The following EFCAB5 variants were observed in gnomAD, a reference collection of about 807,000 sequenced individuals.
EFCAB5 encodes the protein EF-hand calcium binding domain 5, also known as EF-hand calcium-binding domain-containing protein 5.
A neutral mutation model predicts 167.9 loss-of-function variants in EFCAB5; 131 were observed. The observed-to-expected ratio is 0.78, with a 90% confidence interval of 0.68 to 0.90. The LOEUF (loss-of-function observed/expected upper bound fraction) is 0.90. Among genes scored for constraint, EFCAB5 ranks in the 40% least tolerant of loss-of-function variants. The pLI is 0.00. For synonymous variants in EFCAB5, 574 were observed against 602.8 expected (o/e 0.95, Z 0.70); for missense variants, 1,663 against 1,745.2 (o/e 0.95, Z 0.84).
At chr17:29,991,391 A>T (rs2068415306) in intron 4 of EFCAB5, among the ~76,000 whole-genome samples, 1 of 152,236 alleles carries the variant, frequency 6.6e-6, no homozygotes. Flanking sequence ...CCTCGAACAG[A>T]GTTTTACCCA....
chr17:29,962,631 GCTTTTTTTTTTTTTTTTTT>G (rs2067743517), intron 3 of EFCAB5, among the ~76,000 whole-genome samples: 2 of 105,120 alleles, frequency 1.9e-5, no homozygotes, highest in African/African-American at 7.1e-5. Flanking sequence ...ACCATGCCTG[GCTTTTTTTTTTTTTTTTTT>G]TAGACAGGGT....
chr17:30,098,542 A>G (rs2071336642), intron 22 of EFCAB5, among the ~76,000 whole-genome samples: 1 of 151,364 alleles, frequency 6.6e-6, no homozygotes. Flanking sequence ...CAGAGAAAAA[A>G]AAAAAAAAAC....
At chr17:30,051,286 T>G in intron 9 of EFCAB5, 69 bp downstream of exon 9, 1 of 1,274,294 alleles carries the variant, frequency 7.8e-7, no homozygotes, top group Non-Finnish European at 1.1e-6. Flanking sequence ...ACTGATATGA[T>G]ACACTGATAT....
intron 22 of EFCAB5, among the ~76,000 whole-genome samples, chr17:30,106,233 T>TG (rs1349272423): frequency 3.3e-5 from 5 of 151,826 alleles, no homozygotes; most frequent in Non-Finnish European, 5.9e-5. Context: ...AAGACTAGCC[T>TG]GGGCAACATA....
chr17:29,933,439 C>T (rs1010554766), intron 1 of EFCAB5, among the ~76,000 whole-genome samples: 11 of 152,184 alleles, frequency 7.2e-5, no homozygotes, highest in African/African-American at 2.4e-4. Context: ...CCTAGGTCTT[C>T]TGGTGAACTG....
rs115895811 is a variant in EFCAB5, at chr17:29,987,368, C to T, written c.768-5797C>T. On this transcript the variant is annotated intron_variant, in intron 4 of 22. Transcript: ENST00000394835. ...TTAGTAAGGCTTTAGATGTCTCGAT[C>T]GCACCCAAATTGGCTGTTGATTCAA... Among the ~76,000 whole-genome samples the T allele has an allele frequency of 6.8e-3, 1,040 of 152,234 alleles. 14 individuals carry two copies. The highest frequency in any genetic ancestry group is 0.021 in the African/African-American group (879 of 41,534).
chr17:29,941,845 G>T lies in EFCAB5; in HGVS notation c.42+7G>T, dbSNP rs1270659758. 1.2e-5 allele frequency: 20 copies of T among 1,600,382 alleles called. No homozygotes were observed. The highest frequency in any genetic ancestry group is 1.7e-5 in the Non-Finnish European group (20 of 1,172,424). On this transcript the variant is annotated splice_region_variant and intron_variant, in intron 1 of 22. Coordinates refer to ENST00000394835, the MANE Select transcript of EFCAB5 (RefSeq NM_198529.4). ...GGAACTCAGACCTGCTCAGGTTCTT[G>T]TCCTACATAGGTTTATCACATTTAT... is the stretch of plus-strand genomic sequence containing the variant.
rs79518154 is a variant in EFCAB5, at chr17:29,967,541, G to T, written c.191-1250G>T. ...CCCAAATTTTATAGTGGTCTCCACC[G>T]TATCTTTTTAGTCCTATAGTTTCTT... is the stretch of plus-strand genomic sequence containing the variant. On this transcript the variant is annotated intron_variant, in intron 3 of 22. Transcript: ENST00000394835. 6.1e-3 allele frequency among the ~76,000 whole-genome samples: 933 copies of T among 152,264 alleles called. 7 individuals carry two copies. Among genetic ancestry groups the T allele is most frequent in the African/African-American group, 0.021 (891 of 41,558 alleles).
chr17:30,073,530 G>T, intron 14 of EFCAB5: 2 of 573,344 alleles, frequency 3.5e-6, no homozygotes, highest in Non-Finnish European at 6.4e-6. Context: ...TGATGCATGT[G>T]GTCCATTTTA....
intron 7 of EFCAB5, among the ~76,000 whole-genome samples, chr17:30,004,723 C>T (rs562894001): frequency 8.0e-5 from 12 of 150,146 alleles, no homozygotes; most frequent in Middle Eastern, 3.5e-3. Flanking sequence ...CAGGTTCAAG[C>T]GATTCTCCTG....
At position 29,968,880 on chromosome 17, in the gene EFCAB5, T is replaced by C; in HGVS notation, c.280T>C (p.Ser94Pro). 2 of 1,563,492 alleles carry C rather than the reference T, an allele frequency of 1.3e-6. No homozygotes were observed. The highest frequency in any genetic ancestry group is 1.7e-6 in the Non-Finnish European group (2 of 1,153,306). Residue 94 changes from serine to proline, a missense_variant, in exon 4 of 23, where the codon TCT becomes CCT. Transcript: ENST00000394835. Reference sequence around the variant, plus strand: ...CTCAGGTAATATTGCAATTAGAAAATCTGCAAAAGTGATTTTTGCTTTAGA... The same window carrying C: ...CTCAGGTAATATTGCAATTAGAAAACCTGCAAAAGTGATTTTTGCTTTAGA... ...EASGNIAIRK[S>P]AKVIFALDET...
At chr17:30,076,094 T>C (rs7217961) in intron 14 of EFCAB5, among the ~76,000 whole-genome samples, 78,115 of 151,992 alleles carry the variant, frequency 0.51, 20,480 homozygotes, top group African/African-American at 0.58. Flanking sequence ...GGAGTCCAAA[T>C]AATGACATTA....
At chr17:30,065,348 G>A (rs560594116) in intron 14 of EFCAB5, among the ~76,000 whole-genome samples, 1 of 152,146 alleles carries the variant, frequency 6.6e-6, no homozygotes, top group Non-Finnish European at 1.5e-5. Flanking sequence ...AAAAGATATA[G>A]ATTAGCTCAA....
At chr17:30,038,880 G>A (rs1182915504) in intron 8 of EFCAB5, among the ~76,000 whole-genome samples, 4 of 152,106 alleles carry the variant, frequency 2.6e-5, no homozygotes, top group African/African-American at 4.8e-5. Flanking sequence ...TTCTCCTCTG[G>A]TGTTGGTCTC....
At chr17:30,008,014 A>G (rs565880279) in intron 7 of EFCAB5, among the ~76,000 whole-genome samples, 1 of 152,180 alleles carries the variant, frequency 6.6e-6, no homozygotes, top group Admixed American at 6.5e-5. Flanking sequence ...GCGTCATTTG[A>G]TAAAGCAGTA....
At chr17:30,068,175 G>A (rs562529242) in intron 14 of EFCAB5, among the ~76,000 whole-genome samples, 1 of 152,212 alleles carries the variant, frequency 6.6e-6, no homozygotes, top group South Asian at 2.1e-4. Context: ...GTGGTGGCAC[G>A]CTTGTAGCCC....
chr17:29,932,461 T>G (rs1363252092), intron 1 of EFCAB5, among the ~76,000 whole-genome samples: 1 of 142,962 alleles, frequency 7.0e-6, no homozygotes, highest in African/African-American at 2.6e-5. Context: ...TTTTTTTTTT[T>G]TTTTTTTTTT....
chr17:30,064,253 G>A (rs1004575482), intron 14 of EFCAB5, among the ~76,000 whole-genome samples: 3 of 152,036 alleles, frequency 2.0e-5, no homozygotes, highest in Non-Finnish European at 4.4e-5. Context: ...AATTCAGATT[G>A]ACAGTTCAAC....
At chr17:30,041,583 A>G (rs1409164163) in intron 8 of EFCAB5, among the ~76,000 whole-genome samples, 1 of 152,256 alleles carries the variant, frequency 6.6e-6, no homozygotes, top group African/African-American at 2.4e-5. Context: ...AGATTATTAC[A>G]TAAACTTAGT....
Sources: gnomAD v4.1 joint callset for allele counts (sites outside exome capture counted in the v4.1 genomes callset) on GRCh38, gnomAD v4.1.1 for gene constraint, MANE v1.5 for transcripts, NCBI Gene and HGNC (gene_info 2026-07-23, HGNC 2026-07-21) for gene names.